RRBP1: variants seen among roughly 807,000 people sequenced by gnomAD.
The protein encoded by RRBP1 is ribosome binding protein 1.
RRBP1 carries 94 observed loss-of-function variants against 165.2 expected under a neutral mutation model. The ratio of observed to expected loss-of-function variants is 0.57; its 90% confidence interval spans 0.48 to 0.68. The LOEUF is 0.68. RRBP1 is among the 30% of genes least tolerant of loss of function. RRBP1 has a pLI of 0.00. For missense variants in RRBP1, 1,676 were observed against 1,763.0 expected (o/e 0.95, Z 0.88); for synonymous variants, 680 against 714.5 (o/e 0.95, Z 0.77).
chr20:17,675,684 G>A (rs568139646), intron 2 of RRBP1, among the ~76,000 whole-genome samples: 3 of 152,334 alleles, frequency 2.0e-5, no homozygotes, highest in East Asian at 1.9e-4. Context: ...GCAAAGGCCC[G>A]GAGGCAGAAG....
intron 2 of RRBP1, among the ~76,000 whole-genome samples, chr20:17,666,408 T>C (rs548844132): frequency 6.6e-6 from 1 of 152,310 alleles, no homozygotes; most frequent in African/African-American, 2.4e-5. Context: ...ATAAAAGTCT[T>C]ACACGTTGTT....
At chr20:17,633,643 G>A in intron 7 of RRBP1, 30 bp from the exon 8 acceptor site, 1 of 1,610,458 alleles carries the variant, frequency 6.2e-7, no homozygotes, top group Non-Finnish European at 8.5e-7. Context: ...CCGACTAATG[G>A]AAAGAAAAGG....
chr20:17,671,860 C>T (rs532774835), intron 2 of RRBP1, among the ~76,000 whole-genome samples: 1 of 152,290 alleles, frequency 6.6e-6, no homozygotes, highest in East Asian at 1.9e-4. Flanking sequence ...TACCTCTTGT[C>T]CAGGCCATCC....
At chr20:17,625,864 T>C (rs2036008793) in intron 11 of RRBP1, among the ~76,000 whole-genome samples, 1 of 151,916 alleles carries the variant, frequency 6.6e-6, no homozygotes, top group South Asian at 2.1e-4. Flanking sequence ...ACCGGAGAGC[T>C]GGGTTTCCAG....
At chr20:17,671,895 C>G (rs2036986375) in intron 2 of RRBP1, among the ~76,000 whole-genome samples, 1 of 152,210 alleles carries the variant, frequency 6.6e-6, no homozygotes, top group African/African-American at 2.4e-5. Context: ...CCGGTTCAGG[C>G]CACCCAGCCT....
At chr20:17,645,289 G>A (rs549545042) in intron 3 of RRBP1, among the ~76,000 whole-genome samples, 2 of 152,358 alleles carry the variant, frequency 1.3e-5, no homozygotes, top group African/African-American at 2.4e-5. Context: ...GAGTGCTCCC[G>A]AGAGTGTTCT....
intron 24 of RRBP1, 53 bp downstream of exon 24, chr20:17,614,684 G>C (rs7261001): frequency 6.3e-6 from 10 of 1,598,486 alleles, no homozygotes; most frequent in Middle Eastern, 1.7e-4. Context: ...CTGCCTCCCC[G>C]GGGCTCCCGG....
At chr20:17,666,165 GCTAT>G (rs1400965931) in intron 2 of RRBP1, among the ~76,000 whole-genome samples, 1 of 152,122 alleles carries the variant, frequency 6.6e-6, no homozygotes, top group African/African-American at 2.4e-5. Flanking sequence ...AACTATAGAA[GCTAT>G]CTGTCAATGA....
chr20:17,644,768 A>C (rs1359995350), intron 3 of RRBP1, among the ~76,000 whole-genome samples: 1 of 152,222 alleles, frequency 6.6e-6, no homozygotes. Context: ...TGGAAAGTAC[A>C]CGTGGAATTT....
chr20:17,627,794 C>A, intron 9 of RRBP1, 112 bp from the exon 10 acceptor site: 2 of 999,152 alleles, frequency 2.0e-6, no homozygotes, highest in East Asian at 2.7e-5. Flanking sequence ...GGGCTTCCTC[C>A]TGCCTCCTCT....
intron 9 of RRBP1, among the ~76,000 whole-genome samples, chr20:17,628,934 T>A (rs2036089372): frequency 6.6e-6 from 1 of 152,212 alleles, no homozygotes; most frequent in Admixed American, 6.5e-5. Flanking sequence ...GTGGCAGAGC[T>A]GAACAGTTGT....
In RRBP1 at chr20:17,621,397, C is replaced by T. The variant is rs780824957; in HGVS notation, c.3414+61G>A. The T allele has an allele frequency of 1.8e-4, 246 of 1,354,948 alleles. 1 individual carries two copies. The highest frequency in any genetic ancestry group is 2.5e-4 in the Non-Finnish European group (237 of 964,836). The allele number at this position is 1,354,948 out of a possible 1,614,324, so 83.9% of individuals were successfully genotyped here. A position where few individuals can be genotyped will look rare whatever the true frequency, so the allele number is the denominator to read the frequency against. Reference sequence around the variant, plus strand: ...AGGCCACCTCCTGCCCCATAGGCCCCGAAGCTCTCCTTCCCTGCAGCCTCC... The same window carrying T: ...AGGCCACCTCCTGCCCCATAGGCCCTGAAGCTCTCCTTCCCTGCAGCCTCC... On this transcript the variant is annotated intron_variant, in intron 16 of 24. Transcript: ENST00000377813.
chr20:17,648,066 C>G (rs1005934377), intron 3 of RRBP1, among the ~76,000 whole-genome samples: 13 of 152,210 alleles, frequency 8.5e-5, no homozygotes, highest in African/African-American at 3.1e-4. Flanking sequence ...GATTCAGAGG[C>G]TGAGGACAAG....
chr20:17,636,737 G>A lies in RRBP1; in HGVS notation c.2185-8C>T, dbSNP rs780925447. The A allele has an allele frequency of 3.1e-6, 5 of 1,612,394 alleles. No homozygotes were observed. The highest frequency in any genetic ancestry group is 2.2e-5 in the East Asian group (1 of 44,888). On this transcript the variant is annotated splice_polypyrimidine_tract_variant and splice_region_variant and intron_variant, in intron 5 of 24. Coordinates refer to ENST00000377813, the MANE Select transcript of RRBP1 (RefSeq NM_001365613.2). ...CTTTTCTGCTGCCATCTCCTGGGGG[G>A]AAAGTAGCAGAGAGAGGGGCTGGTA...
rs73262614 is a variant in RRBP1, at chr20:17,628,115, G to A, written c.2750-433C>T. On this transcript the variant is annotated intron_variant, in intron 9 of 24. Coordinates refer to ENST00000377813, the MANE Select transcript of RRBP1 (RefSeq NM_001365613.2). ...CAACCCCCAAGACCTCTTCACAGTC[G>A]AGAAAGGCCAGGGGGTGACTCTTCT... is the stretch of plus-strand genomic sequence containing the variant. 2.5e-3 allele frequency among the ~76,000 whole-genome samples: 382 copies of A among 151,618 alleles called. 3 individuals carry two copies. Among genetic ancestry groups the A allele is most frequent in the African/African-American group, 8.4e-3 (349 of 41,312 alleles).
chr20:17,625,128 G>A (rs1443748964), intron 12 of RRBP1, among the ~76,000 whole-genome samples: 2 of 152,064 alleles, frequency 1.3e-5, no homozygotes, highest in East Asian at 1.9e-4. Context: ...GGGGCAGGAG[G>A]GTGTGGCCGA....
intron 3 of RRBP1, among the ~76,000 whole-genome samples, chr20:17,646,547 C>A (rs2036465738): frequency 1.3e-5 from 2 of 152,208 alleles, no homozygotes; most frequent in African/African-American, 4.8e-5. Context: ...CATTGTTCCC[C>A]TCACAGCGTG....
chr20:17,634,786 G>A (rs1231296279), intron 7 of RRBP1, among the ~76,000 whole-genome samples: 1 of 152,198 alleles, frequency 6.6e-6, no homozygotes, highest in Non-Finnish European at 1.5e-5. Flanking sequence ...CTCAGGAAGG[G>A]GACCCAGAGG....
Position 17,643,136 on chromosome 20 carries a change from C to T in RRBP1, c.1913-9G>A, listed in dbSNP as rs767751530. The T allele has an allele frequency of 1.2e-6, 2 of 1,613,068 alleles. No individual in the cohort carries two copies. Among genetic ancestry groups the T allele is most frequent in the South Asian group, 2.2e-5 (2 of 91,040 alleles). On this transcript the variant is annotated splice_polypyrimidine_tract_variant and intron_variant, in intron 3 of 24. Coordinates refer to ENST00000377813, the MANE Select transcript of RRBP1 (RefSeq NM_001365613.2). This position sits in a 1 kb window ranked among gnomAD's most constrained non-coding sequence, Gnocchi z 4.3. The stretch of plus-strand genomic sequence containing the variant: ...GTCGGCATCTGGGGGCCCTGTGCAG[C>T]AAGAGGGAAAGAGCTGAGACTTAGG...
Sources: gnomAD v4.1 joint callset for allele counts (sites outside exome capture counted in the v4.1 genomes callset) on GRCh38, gnomAD v4.1.1 for gene constraint, Gnocchi (gnomAD v3.1) non-coding constraint, MANE v1.5 for transcripts, NCBI Gene and HGNC (gene_info 2026-07-23, HGNC 2026-07-21) for gene names.